The following EXOC4 variants were observed in gnomAD, a reference collection of about 807,000 sequenced individuals.
The protein encoded by EXOC4 is exocyst complex component 4.
A neutral mutation model predicts 107.2 loss-of-function variants in EXOC4; 71 were observed. That is an observed-to-expected ratio of 0.66 (90% CI 0.55 to 0.81). The LOEUF (loss-of-function observed/expected upper bound fraction) is 0.81. Ranked by LOEUF, EXOC4 falls within the 30% of genes least tolerant of loss-of-function variation. The probability of loss-of-function intolerance (pLI) is 0.00; values close to 1 mark genes in which losing one functional copy is unlikely to be tolerated. For synonymous variants in EXOC4, 456 were observed against 441.2 expected (o/e 1.03, Z -0.42); for missense variants, 1,108 against 1,189.6 (o/e 0.93, Z 1.01).
intron 1 of EXOC4, among the ~76,000 whole-genome samples, chr7:133,257,210 G>A (rs1439809353): frequency 1.4e-5 from 2 of 146,192 alleles, no homozygotes; most frequent in East Asian, 3.9e-4. Flanking sequence ...TTTAAGTCTT[G>A]CCACTGGCCC....
At chr7:133,579,686 C>CTT (rs11368284) in intron 9 of EXOC4, among the ~76,000 whole-genome samples, 2 of 139,796 alleles carry the variant, frequency 1.4e-5, no homozygotes, top group Non-Finnish European at 3.1e-5. Flanking sequence ...CACAACTTTA[C>CTT]TTTTTTTTTT....
intron 9 of EXOC4, among the ~76,000 whole-genome samples, chr7:133,622,475 C>T (rs548111322): frequency 8.4e-4 from 128 of 152,232 alleles, no homozygotes; most frequent in African/African-American, 2.9e-3. Context: ...ATCATAGCCG[C>T]TACTAGTCAG....
the EXOC4 span, among the ~76,000 whole-genome samples, chr7:134,072,017 C>T: frequency 6.6e-6 from 1 of 152,214 alleles, no homozygotes; most frequent in African/African-American, 2.4e-5. Flanking sequence ...TCTGCTTCTC[C>T]TCCACCCACA....
At chr7:133,768,916 A>G (rs1796190483) in intron 10 of EXOC4, among the ~76,000 whole-genome samples, 1 of 151,998 alleles carries the variant, frequency 6.6e-6, no homozygotes, top group South Asian at 2.1e-4. Flanking sequence ...AGGATGTCAC[A>G]TCAGAGGCCA....
At chr7:133,325,144 T>G (rs1795208323) in intron 5 of EXOC4, among the ~76,000 whole-genome samples, 1 of 152,230 alleles carries the variant, frequency 6.6e-6, no homozygotes, top group African/African-American at 2.4e-5. Context: ...AGCACACTGA[T>G]GGGTCTTGAC....
At chr7:133,655,256 T>G (rs1046667793) in intron 10 of EXOC4, among the ~76,000 whole-genome samples, 1 of 152,196 alleles carries the variant, frequency 6.6e-6, no homozygotes, top group African/African-American at 2.4e-5. Context: ...GTGTGATGTT[T>G]CAATACATGT....
chr7:133,836,449 G>A (rs1797920579), intron 11 of EXOC4, among the ~76,000 whole-genome samples: 1 of 152,094 alleles, frequency 6.6e-6, no homozygotes, highest in Admixed American at 6.6e-5. Flanking sequence ...CCTTTCATGT[G>A]CTGGATGGTT....
intron 2 of EXOC4, among the ~76,000 whole-genome samples, chr7:133,277,004 C>A (rs1000986868): frequency 1.3e-5 from 2 of 151,524 alleles, no homozygotes. Flanking sequence ...TCTTGTTGCC[C>A]AGGCTGGAGT....
At chr7:134,002,568 T>C in intron 15 of EXOC4, among the ~76,000 whole-genome samples, 1 of 152,154 alleles carries the variant, frequency 6.6e-6, no homozygotes, top group Admixed American at 6.5e-5. Context: ...AGTCCATATC[T>C]GATAAAGGAC....
intron 6 of EXOC4, among the ~76,000 whole-genome samples, chr7:133,368,686 A>G (rs1796298746): frequency 6.6e-6 from 1 of 151,386 alleles, no homozygotes; most frequent in Admixed American, 6.5e-5. Flanking sequence ...ACTGGTATTT[A>G]TACCACATTG....
intron 13 of EXOC4, among the ~76,000 whole-genome samples, chr7:133,928,912 A>G (rs906352683): frequency 6.0e-5 from 9 of 151,082 alleles, no homozygotes; most frequent in Non-Finnish European, 7.4e-5. Context: ...GAATTTAGAA[A>G]CAGTAGTACC....
chr7:133,641,152 A>G (rs1440780043), intron 10 of EXOC4, among the ~76,000 whole-genome samples: 6 of 152,204 alleles, frequency 3.9e-5, no homozygotes, highest in Non-Finnish European at 2.9e-5. Flanking sequence ...ATGAGCAGGT[A>G]TGGACCCAAT....
At chr7:133,744,792 C>T (rs973923100) in intron 10 of EXOC4, among the ~76,000 whole-genome samples, 3 of 152,068 alleles carry the variant, frequency 2.0e-5, no homozygotes, top group Non-Finnish European at 2.9e-5. Context: ...TACCGAGGCT[C>T]GCAGAAAATG....
intron 17 of EXOC4, among the ~76,000 whole-genome samples, chr7:134,040,467 C>T (rs1294099366): frequency 6.6e-6 from 1 of 152,162 alleles, no homozygotes; most frequent in Non-Finnish European, 1.5e-5. Flanking sequence ...GCACTCCCAC[C>T]CCTCCTCTGG....
intron 6 of EXOC4, among the ~76,000 whole-genome samples, 160 bp from the exon 7 acceptor site, chr7:133,374,668 A>G (rs930698403): frequency 2.0e-5 from 3 of 152,244 alleles, no homozygotes; most frequent in Non-Finnish European, 4.4e-5. Context: ...AGTTGCTTAG[A>G]TAATACAGTT....
At chr7:133,726,511 A>G (rs946794978) in intron 10 of EXOC4, among the ~76,000 whole-genome samples, 1 of 152,206 alleles carries the variant, frequency 6.6e-6, no homozygotes, top group South Asian at 2.1e-4. Context: ...CTCCTTGACC[A>G]GGAATTTGTA....
At chr7:133,298,624 A>G (rs528073482) in intron 3 of EXOC4, among the ~76,000 whole-genome samples, 18 of 152,288 alleles carry the variant, frequency 1.2e-4, no homozygotes, top group South Asian at 4.1e-4. Flanking sequence ...GCAGTTTACA[A>G]TTATCTTTCT....
At chr7:133,872,786 A>C (rs1409157721) in intron 11 of EXOC4, among the ~76,000 whole-genome samples, 1 of 152,254 alleles carries the variant, frequency 6.6e-6, no homozygotes, top group East Asian at 1.9e-4. Context: ...AACCCACAGT[A>C]AGAGGCTGTT....
intron 10 of EXOC4, among the ~76,000 whole-genome samples, chr7:133,793,957 T>C (rs1012157777): frequency 2.6e-5 from 4 of 152,202 alleles, no homozygotes; most frequent in Admixed American, 1.3e-4. Context: ...GTCTCAAATA[T>C]ACAACTCCAA....
Sources: gnomAD v4.1 joint callset for allele counts (sites outside exome capture counted in the v4.1 genomes callset) on GRCh38, gnomAD v4.1.1 for gene constraint, MANE v1.5 for transcripts, NCBI Gene and HGNC (gene_info 2026-07-23, HGNC 2026-07-21) for gene names.